Variants in FCHSD2 observed in about 807,000 individuals in gnomAD.
FCHSD2 encodes FCH and double SH3 domains 2.
FCHSD2 carries 38 observed loss-of-function variants against 108.1 expected under a neutral mutation model. The observed-to-expected ratio is 0.35, with a 90% CI of 0.27 to 0.46. FCHSD2 has a LOEUF of 0.46. Among genes scored for constraint, FCHSD2 ranks in the 20% least tolerant of loss-of-function variants. FCHSD2 has a pLI of 1.00. For synonymous variants in FCHSD2, 279 were observed against 314.7 expected, an observed-to-expected ratio of 0.89 and a Z score of 1.20; for missense variants, 751 against 897.8, an observed-to-expected ratio of 0.84 and a Z score of 2.09.
chr11:72,882,751 G>A (rs1317261430), intron 12 of FCHSD2, among the ~76,000 whole-genome samples: 1 of 152,184 alleles, frequency 6.6e-6, no homozygotes, highest in Non-Finnish European at 1.5e-5. Context: ...TCATGAATTA[G>A]AAGACTCAAT....
chr11:73,072,131 C>T (rs1235157775), intron 3 of FCHSD2, among the ~76,000 whole-genome samples: 2 of 151,096 alleles, frequency 1.3e-5, no homozygotes, highest in Admixed American at 6.6e-5. Flanking sequence ...CATGTTCACA[C>T]ACAAAAGGTT....
At chr11:73,048,466 A>G (rs976214124) in intron 3 of FCHSD2, among the ~76,000 whole-genome samples, 3 of 152,188 alleles carry the variant, frequency 2.0e-5, no homozygotes, top group Non-Finnish European at 4.4e-5. Context: ...CAAAAAGTGG[A>G]AATGGATTAA....
intron 4 of FCHSD2, among the ~76,000 whole-genome samples, chr11:73,012,360 T>C (rs1346057745): frequency 2.0e-5 from 3 of 151,794 alleles, no homozygotes; most frequent in African/African-American, 4.8e-5. Context: ...CAGAAAAAAA[T>C]GTGAAAGAAA....
Position 73,105,446 on chromosome 11 carries a change from C to T in FCHSD2, c.120-21706G>A, listed in dbSNP as rs555466998. Among the ~76,000 whole-genome samples the T allele has an allele frequency of 5.9e-5, 9 of 152,250 alleles. No homozygotes were observed. The South Asian group carries it at 1.5e-3, about 25-fold the overall frequency. On this transcript the variant is annotated intron_variant, in intron 2 of 19. Transcript: ENST00000409418. ...GCTCTTTATTTGGTAACATTACTTT[C>T]CTAGGGAAGAACTCCAAAAGAAAGA... is the stretch of plus-strand genomic sequence containing the variant.
At chr11:72,901,508 G>A (rs753012312) in intron 10 of FCHSD2, among the ~76,000 whole-genome samples, 41 of 152,142 alleles carry the variant, frequency 2.7e-4, no homozygotes, top group Middle Eastern at 3.2e-3. Context: ...GAGGTGAGGA[G>A]TATAGGGAGA....
intron 4 of FCHSD2, among the ~76,000 whole-genome samples, chr11:73,010,197 AATGTATT>A (rs1273859519): frequency 1.4e-4 from 21 of 152,106 alleles, no homozygotes; most frequent in African/African-American, 4.6e-4. Context: ...GAAGCTTTCA[AATGTATT>A]TTGTATTTCA....
chr11:72,960,083 G>C (rs1856795356), intron 8 of FCHSD2, among the ~76,000 whole-genome samples: 1 of 152,100 alleles, frequency 6.6e-6, no homozygotes, highest in African/African-American at 2.4e-5. Context: ...AAAAGGTTTG[G>C]CTCACAGTTC....
At chr11:73,091,557 G>GA (rs1284964360) in intron 2 of FCHSD2, among the ~76,000 whole-genome samples, 2 of 150,948 alleles carry the variant, frequency 1.3e-5, no homozygotes, top group Non-Finnish European at 3.0e-5. Flanking sequence ...TCAAAAAAAA[G>GA]AAAAAAGAAA....
chr11:72,894,486 C>T (rs1031773844), intron 10 of FCHSD2, among the ~76,000 whole-genome samples: 13 of 152,098 alleles, frequency 8.5e-5, no homozygotes, highest in African/African-American at 3.1e-4. Flanking sequence ...TTGTGCCCTC[C>T]AGCCTGGGTG....
At chr11:72,930,475 G>A (rs1438506466) in intron 8 of FCHSD2, among the ~76,000 whole-genome samples, 2 of 152,102 alleles carry the variant, frequency 1.3e-5, no homozygotes, top group African/African-American at 4.8e-5. Context: ...TAATTGGCTG[G>A]GTGCGGTGGC....
intron 3 of FCHSD2, among the ~76,000 whole-genome samples, chr11:73,046,759 A>T (rs144772849): frequency 6.6e-6 from 1 of 152,088 alleles, no homozygotes; most frequent in Non-Finnish European, 1.5e-5. Flanking sequence ...TTATTGATTG[A>T]TTGATTAAGA....
At chr11:73,016,097 G>A (rs1857965658) in intron 3 of FCHSD2, among the ~76,000 whole-genome samples, 1 of 152,142 alleles carries the variant, frequency 6.6e-6, no homozygotes, top group African/African-American at 2.4e-5. Context: ...GAGGTCAGGA[G>A]TTTGAGACCA....
chr11:72,959,853 G>GGTGTGTGTGT (rs58451717), intron 8 of FCHSD2, among the ~76,000 whole-genome samples: 1,774 of 145,878 alleles, frequency 0.012, 17 homozygotes, highest in South Asian at 0.029. Context: ...AAGTTTCTAG[G>GGTGTGTGTGT]GTGTGTGTGT....
chr11:73,025,901 G>A (rs1348813974), intron 3 of FCHSD2, among the ~76,000 whole-genome samples: 1 of 152,052 alleles, frequency 6.6e-6, no homozygotes, highest in East Asian at 1.9e-4. Flanking sequence ...GTAGGTATGT[G>A]TGGTATATAT....
chr11:72,925,625 A>G (rs1239058240), intron 8 of FCHSD2, among the ~76,000 whole-genome samples: 2 of 152,228 alleles, frequency 1.3e-5, no homozygotes, highest in African/African-American at 4.8e-5. Flanking sequence ...AATAAAACAT[A>G]TATTATCTCA....
intron 5 of FCHSD2, among the ~76,000 whole-genome samples, chr11:72,993,977 C>T (rs1198621814): frequency 2.6e-5 from 4 of 152,002 alleles, no homozygotes; most frequent in Admixed American, 6.5e-5. Flanking sequence ...ACGGTGTATC[C>T]GGACATGTCC....
chr11:72,965,797 C>A (rs941223786), intron 8 of FCHSD2, among the ~76,000 whole-genome samples: 5 of 152,188 alleles, frequency 3.3e-5, no homozygotes, highest in Non-Finnish European at 7.3e-5. Context: ...TAAATAGAAT[C>A]ACACAGTATG....
At chr11:73,010,216 T>C (rs1207979349) in intron 4 of FCHSD2, among the ~76,000 whole-genome samples, 1 of 152,210 alleles carries the variant, frequency 6.6e-6, no homozygotes, top group East Asian at 1.9e-4. Flanking sequence ...TGTATTTCAT[T>C]CAATGAATTC....
chr11:72,837,092 A>G lies in FCHSD2; in HGVS notation c.*1699T>C, dbSNP rs759322538. 1 of 152,228 alleles carries G rather than the reference A, an allele frequency of 6.6e-6. No homozygotes were observed. Among genetic ancestry groups the G allele is most frequent in the African/African-American group, 2.4e-5 (1 of 41,452 alleles). The allele number at this position is 152,228 out of a possible 1,614,324, so 9.4% of individuals were successfully genotyped here. On this transcript the variant is annotated 3_prime_UTR_variant, in exon 20 of 20. Coordinates refer to ENST00000409418, the MANE Select transcript of FCHSD2 (RefSeq NM_014824.3). Reference sequence around the variant, plus strand: ...GGTGGCAAGAACTGCTCTATTTAATAAGCATTTGAAGATTTTTAATATGTT... The same window carrying G: ...GGTGGCAAGAACTGCTCTATTTAATGAGCATTTGAAGATTTTTAATATGTT...
Sources: allele counts gnomAD v4.1 joint callset (sites outside exome capture counted in the v4.1 genomes callset), GRCh38; gene constraint gnomAD v4.1.1; transcripts MANE v1.5; gene names NCBI Gene and HGNC (gene_info 2026-07-23, HGNC 2026-07-21).